TMCC1: variants seen among roughly 807,000 people sequenced by gnomAD.
TMCC1 encodes transmembrane and coiled-coil domain family 1.
In TMCC1, 15 loss-of-function variants were observed where a neutral mutation model predicts 52.4. The ratio of observed to expected loss-of-function variants is 0.29; its 90% confidence interval spans 0.19 to 0.44. The LOEUF (loss-of-function observed/expected upper bound fraction) is 0.44. TMCC1 is among the 20% of genes least tolerant of loss of function. The pLI, the probability that TMCC1 is intolerant of heterozygous loss-of-function variation, is 1.00. For missense variants in TMCC1, 503 were observed against 806.0 expected, an observed-to-expected ratio of 0.62 and a Z score of 4.55; for synonymous variants, 279 against 301.9, an observed-to-expected ratio of 0.92 and a Z score of 0.79.
intron 4 of TMCC1, among the ~76,000 whole-genome samples, chr3:129,801,524 C>A (rs1158487575): frequency 6.6e-6 from 1 of 152,088 alleles, no homozygotes; most frequent in Admixed American, 6.6e-5. Flanking sequence ...TGCAGTGGCA[C>A]GATCTCGGGT....
At chr3:129,823,270 G>C (rs1008643827) in intron 4 of TMCC1, among the ~76,000 whole-genome samples, 11 of 152,092 alleles carry the variant, frequency 7.2e-5, no homozygotes, top group African/African-American at 2.7e-4. Context: ...AGGTTGAAGT[G>C]AGCCGAGATC....
intron 1 of TMCC1, among the ~76,000 whole-genome samples, chr3:129,884,650 G>A (rs2061608688): frequency 6.6e-6 from 1 of 152,084 alleles, no homozygotes; most frequent in Non-Finnish European, 1.5e-5. Context: ...TGATAACAGA[G>A]TCTTTTGAAG....
At chr3:129,742,393 C>A (rs569745685) in intron 4 of TMCC1, among the ~76,000 whole-genome samples, 1 of 151,972 alleles carries the variant, frequency 6.6e-6, no homozygotes, top group Non-Finnish European at 1.5e-5. Context: ...AATCCAATTA[C>A]AAAATGGACA....
intron 5 of TMCC1, among the ~76,000 whole-genome samples, chr3:129,658,503 A>G (rs1003756524): frequency 3.9e-5 from 6 of 152,252 alleles, no homozygotes; most frequent in African/African-American, 1.4e-4. Context: ...TCTAGCAAGA[A>G]TAATTCCCAG....
At chr3:129,763,226 AT>A (rs2053778302) in intron 4 of TMCC1, among the ~76,000 whole-genome samples, 4 of 142,356 alleles carry the variant, frequency 2.8e-5, no homozygotes, top group Non-Finnish European at 6.1e-5. Flanking sequence ...AAATAAATAA[AT>A]AAATAAATAA....
At chr3:129,864,096 A>G (rs559658288) in intron 2 of TMCC1, among the ~76,000 whole-genome samples, 67 of 152,320 alleles carry the variant, frequency 4.4e-4, no homozygotes, top group South Asian at 1.0e-3. Flanking sequence ...CAGTTCTGTA[A>G]AAGAGTTCTA....
rs62895562 is a variant in TMCC1, at chr3:129,880,864, C to CT, written c.-434-306dup. ...AGTTCTCAGGCTGCAAATTTTTTTTCTTTTTTTTTTTTTTTTGAGACAGAG... is the reference window on the plus strand; with the variant it reads ...AGTTCTCAGGCTGCAAATTTTTTTTCTTTTTTTTTTTTTTTTTGAGACAGAG... On this transcript the variant is annotated intron_variant, in intron 1 of 6. Coordinates refer to ENST00000393238, the MANE Select transcript of TMCC1 (RefSeq NM_001017395.5). Among the ~76,000 whole-genome samples, 453 of 136,010 alleles carry CT rather than the reference C, an allele frequency of 3.3e-3. 1 individual carries two copies. Among genetic ancestry groups the CT allele is most frequent in the Middle Eastern group, 3.8e-3 (1 of 262 alleles). The allele number at this position is 136,010 out of a possible 152,430, so 89.2% of individuals were successfully genotyped here.
At chr3:129,718,190 A>G (rs1435062323) in intron 4 of TMCC1, among the ~76,000 whole-genome samples, 3 of 152,234 alleles carry the variant, frequency 2.0e-5, no homozygotes, top group Non-Finnish European at 4.4e-5. Context: ...TTCTATCAAA[A>G]TTTATACAAA....
chr3:129,703,807 T>C (rs1016311618), intron 4 of TMCC1, among the ~76,000 whole-genome samples: 1 of 152,106 alleles, frequency 6.6e-6, no homozygotes, highest in African/African-American at 2.4e-5. Context: ...GTAAAGAAAA[T>C]GATAAAGACA....
At chr3:129,843,104 T>C (rs1446633355) in intron 2 of TMCC1, among the ~76,000 whole-genome samples, 1 of 152,104 alleles carries the variant, frequency 6.6e-6, no homozygotes, top group East Asian at 1.9e-4. Context: ...CCCAGCACTT[T>C]GGGAGGCTGA....
intron 5 of TMCC1, among the ~76,000 whole-genome samples, chr3:129,661,536 TATTAG>T (rs1232797765): frequency 6.6e-6 from 1 of 152,242 alleles, no homozygotes; most frequent in African/African-American, 2.4e-5. Context: ...TTGTGCCTGT[TATTAG>T]ATTATTGTCT....
chr3:129,748,387 A>C (rs1330824776), intron 4 of TMCC1, among the ~76,000 whole-genome samples: 1 of 152,174 alleles, frequency 6.6e-6, no homozygotes, highest in East Asian at 1.9e-4. Context: ...TCCCAGGCTC[A>C]AGCGATTCTC....
intron 1 of TMCC1, among the ~76,000 whole-genome samples, chr3:129,881,399 A>G (rs1183306145): frequency 6.6e-6 from 1 of 152,208 alleles, no homozygotes; most frequent in Non-Finnish European, 1.5e-5. Context: ...ATTTGTCTGC[A>G]GTCTGCCAAA....
At chr3:129,657,941 AG>A (rs2086774240) in intron 5 of TMCC1, among the ~76,000 whole-genome samples, 1 of 152,224 alleles carries the variant, frequency 6.6e-6, no homozygotes, top group Non-Finnish European at 1.5e-5. Context: ...TCTATACAAA[AG>A]CTTGTACATG....
At chr3:129,724,372 G>C (rs1446758185) in intron 4 of TMCC1, among the ~76,000 whole-genome samples, 1 of 152,150 alleles carries the variant, frequency 6.6e-6, no homozygotes, top group East Asian at 1.9e-4. Flanking sequence ...AAATAATCAG[G>C]AAGAAGAAAA....
At chr3:129,688,738 A>G (rs899842764) in intron 4 of TMCC1, 22 of 985,428 alleles carry the variant, frequency 2.2e-5, no homozygotes, top group Non-Finnish European at 2.5e-5. Context: ...GCAAATGAAT[A>G]GTTTGACTCT....
intron 4 of TMCC1, among the ~76,000 whole-genome samples, chr3:129,767,188 G>A (rs1034495520): frequency 1.3e-5 from 2 of 151,174 alleles, no homozygotes; most frequent in African/African-American, 2.4e-5. Flanking sequence ...TTGAACCCGG[G>A]AGGCACAGGT....
At chr3:129,886,562 T>C (rs1173521551) in intron 1 of TMCC1, among the ~76,000 whole-genome samples, 1 of 152,150 alleles carries the variant, frequency 6.6e-6, no homozygotes, top group African/African-American at 2.4e-5. Context: ...AATGGAATAT[T>C]ACTATGCCAT....
chr3:129,830,002 A>G (rs2058835740), intron 3 of TMCC1, among the ~76,000 whole-genome samples: 1 of 152,222 alleles, frequency 6.6e-6, no homozygotes. Flanking sequence ...AGACAGGGAT[A>G]AAGACATTTG....
Sources: allele counts gnomAD v4.1 joint callset (sites outside exome capture counted in the v4.1 genomes callset), GRCh38; gene constraint gnomAD v4.1.1; transcripts MANE v1.5; gene names NCBI Gene and HGNC (gene_info 2026-07-23, HGNC 2026-07-21).